Variants in DSCAML1 observed in about 807,000 individuals in gnomAD.
DSCAML1 encodes the protein cell adhesion molecule DSCAML1.
A neutral mutation model predicts 200.5 loss-of-function variants in DSCAML1; 38 were observed. The ratio of observed to expected loss-of-function variants is 0.19; its 90% CI spans 0.15 to 0.25. The LOEUF is 0.25. Among genes scored for constraint, DSCAML1 ranks in the 10% least tolerant of loss-of-function variants. DSCAML1 has a pLI of 1.00. For synonymous variants in DSCAML1, 1,215 were observed against 1,165.0 expected, an observed-to-expected ratio of 1.04 and a Z score of -0.87; for missense variants, 2,223 against 2,858.8, an observed-to-expected ratio of 0.78 and a Z score of 5.07.
At chr11:117,675,244 C>A (rs1300062206) in intron 3 of DSCAML1, among the ~76,000 whole-genome samples, 1 of 152,200 alleles carries the variant, frequency 6.6e-6, no homozygotes, top group African/African-American at 2.4e-5. Context: ...AACACACACA[C>A]ACAGACAATA....
intron 3 of DSCAML1, among the ~76,000 whole-genome samples, chr11:117,701,197 C>G (rs1047183145): frequency 3.3e-5 from 5 of 152,128 alleles, no homozygotes; most frequent in Admixed American, 1.3e-4. Context: ...ACCCGGAAGG[C>G]AGAGGCTGCA....
chr11:117,503,353 G>T lies in DSCAML1; in HGVS notation c.2359+492C>A, dbSNP rs1014447853. The stretch of plus-strand genomic sequence containing the variant: ...GAGGAAACTGGAGCACAGGGAGGGG[G>T]AGTGACTCGCCCAAGGTCACTCAGC... On this transcript the variant is annotated intron_variant, in intron 11 of 32. Transcript: ENST00000651296. This position sits in a 1 kb window ranked among gnomAD's most constrained non-coding sequence, Gnocchi z 5.2. Among the ~76,000 whole-genome samples, 1 of 152,146 alleles carries T rather than the reference G, an allele frequency of 6.6e-6. No homozygotes were observed. Among genetic ancestry groups the T allele is most frequent in the Non-Finnish European group, 1.5e-5 (1 of 68,012 alleles).
At chr11:117,537,315 C>T (rs1228724816) in intron 3 of DSCAML1, among the ~76,000 whole-genome samples, 3 of 152,230 alleles carry the variant, frequency 2.0e-5, no homozygotes, top group Non-Finnish European at 2.9e-5. Flanking sequence ...GGTCTCTGCC[C>T]TCTGGGATCC....
At chr11:117,577,497 CCTTCCTTCCCTCCTTCCTTCCT>C (rs2050963054) in intron 3 of DSCAML1, among the ~76,000 whole-genome samples, 3 of 16,894 alleles carry the variant, frequency 1.8e-4, no homozygotes, top group Admixed American at 7.3e-4. Flanking sequence ...TTCCTTCCTT[CCTTCCTTCCCTCCTTCCTTCCT>C]TCCTTCCTTC....
intron 3 of DSCAML1, among the ~76,000 whole-genome samples, chr11:117,764,936 A>G (rs779199780): frequency 6.6e-6 from 1 of 151,664 alleles, no homozygotes; most frequent in Non-Finnish European, 1.5e-5. Context: ...AGAGCCCCAG[A>G]CTCCACCCAC....
chr11:117,524,578 G>A (rs2049940765), intron 5 of DSCAML1, among the ~76,000 whole-genome samples: 3 of 152,218 alleles, frequency 2.0e-5, no homozygotes. Context: ...ATGGTTATGT[G>A]ATTTGCCCAA....
intron 15 of DSCAML1, 79 bp from the exon 16 acceptor site, chr11:117,470,059 C>G (rs1046321594): frequency 9.6e-6 from 13 of 1,352,962 alleles, no homozygotes; most frequent in Non-Finnish European, 1.2e-5. Flanking sequence ...CCACTCCCAC[C>G]CTCCTGAGCT....
intron 11 of DSCAML1, among the ~76,000 whole-genome samples, chr11:117,486,892 A>AG (rs1228682045): frequency 6.7e-6 from 1 of 149,830 alleles, no homozygotes; most frequent in Non-Finnish European, 1.5e-5. Context: ...GGAAGAAAAA[A>AG]AAAAAGAATG....
At chr11:117,687,020 T>A (rs1361088293) in intron 3 of DSCAML1, among the ~76,000 whole-genome samples, 2 of 152,152 alleles carry the variant, frequency 1.3e-5, no homozygotes, top group Non-Finnish European at 2.9e-5. Context: ...GGTAGGCTCT[T>A]ATTAACCCCA....
At position 117,450,554 on chromosome 11, in the gene DSCAML1, G is replaced by T. The variant is rs1377477777; in HGVS notation, c.3703C>A (p.Gln1235Lys). The change falls in exon 20 of 33, where the codon CAG becomes AAG. Residue 1235 changes from glutamine (Q) to lysine (K), a missense_variant. Gln to Lys is a moderately conservative substitution (Grantham distance 53). Coordinates refer to ENST00000651296, the MANE Select transcript of DSCAML1 (RefSeq NM_020693.4). ...TIFCSSPGSG[Q>K]PAPSEYETSP... ...CTGGCCCTGAACTCACTTACCGGCT[G>T]GCCAGACCCGGGGCTGGAACAGAAG... The T allele has an allele frequency of 1.9e-6, 3 of 1,613,992 alleles. No individual in the cohort carries two copies. The highest frequency in any genetic ancestry group is 2.5e-6 in the Non-Finnish European group (3 of 1,179,982).
chr11:117,459,570 A>G (rs1592609853), intron 18 of DSCAML1, among the ~76,000 whole-genome samples: 1 of 152,226 alleles, frequency 6.6e-6, no homozygotes, highest in East Asian at 1.9e-4. Flanking sequence ...AGCCTTAGCC[A>G]GGAAGGGCTG....
chr11:117,665,500 A>G (rs1461881085), intron 3 of DSCAML1, among the ~76,000 whole-genome samples: 2 of 152,212 alleles, frequency 1.3e-5, no homozygotes, highest in African/African-American at 4.8e-5. Context: ...TGTGAAGTGC[A>G]TATGATTTTG....
chr11:117,600,443 G>A (rs949079778), intron 3 of DSCAML1, among the ~76,000 whole-genome samples: 2 of 152,132 alleles, frequency 1.3e-5, no homozygotes, highest in African/African-American at 2.4e-5. Context: ...CCCCACTCTC[G>A]CCACAGCTGT....
At chr11:117,598,609 A>G (rs2051405784) in intron 3 of DSCAML1, among the ~76,000 whole-genome samples, 1 of 152,190 alleles carries the variant, frequency 6.6e-6, no homozygotes, top group South Asian at 2.1e-4. Flanking sequence ...GACTGATCTA[A>G]CTGATCTCTT....
intron 3 of DSCAML1, among the ~76,000 whole-genome samples, chr11:117,593,711 G>C (rs889608651): frequency 7.6e-6 from 1 of 132,342 alleles, no homozygotes; most frequent in Non-Finnish European, 1.6e-5. Flanking sequence ...TATATTTCTT[G>C]TTTTTTTTTT....
At chr11:117,701,794 C>T (rs1001135355) in intron 3 of DSCAML1, among the ~76,000 whole-genome samples, 1 of 152,214 alleles carries the variant, frequency 6.6e-6, no homozygotes, top group African/African-American at 2.4e-5. Context: ...GTTCTAAGTA[C>T]TCATCCTACT....
At chr11:117,684,003 T>C (rs1433612529) in intron 3 of DSCAML1, among the ~76,000 whole-genome samples, 3 of 152,156 alleles carry the variant, frequency 2.0e-5, no homozygotes, top group African/African-American at 7.2e-5. Context: ...AGCCAGGAAG[T>C]AGTGATTTTC....
chr11:117,742,847 AG>A (rs2054446265), intron 3 of DSCAML1, among the ~76,000 whole-genome samples: 1 of 152,192 alleles, frequency 6.6e-6, no homozygotes, highest in Non-Finnish European at 1.5e-5. Flanking sequence ...TGGGCTATGG[AG>A]AATCCAGCCT....
chr11:117,679,818 T>G (rs1354708820), intron 3 of DSCAML1, among the ~76,000 whole-genome samples: 1 of 152,242 alleles, frequency 6.6e-6, no homozygotes, highest in Non-Finnish European at 1.5e-5. Context: ...CCCGTTAGAA[T>G]GTACATCATG....
Sources: gnomAD v4.1 joint callset for allele counts (sites outside exome capture counted in the v4.1 genomes callset) on GRCh38, gnomAD v4.1.1 for gene constraint, Gnocchi (gnomAD v3.1) non-coding constraint, MANE v1.5 for transcripts, NCBI Gene and HGNC (gene_info 2026-07-23, HGNC 2026-07-21) for gene names.